The following LGR4 variants were observed in gnomAD, a reference collection of about 807,000 sequenced individuals.
The protein encoded by LGR4 is leucine rich repeat containing G protein-coupled receptor 4.
In LGR4, 44 loss-of-function variants were observed where a neutral mutation model predicts 84.8. The ratio of observed to expected loss-of-function variants is 0.52; its 90% CI spans 0.41 to 0.67. The LOEUF is 0.67. Among genes scored for constraint, LGR4 ranks in the 30% least tolerant of loss-of-function variants. The pLI is 0.00. For synonymous variants in LGR4, 429 were observed against 434.3 expected (o/e 0.99, Z 0.15); for missense variants, 1,032 against 1,131.4 (o/e 0.91, Z 1.26).
chr11:27,425,140 C>T (rs981275908), intron 1 of LGR4, among the ~76,000 whole-genome samples: 1 of 151,920 alleles, frequency 6.6e-6, no homozygotes, highest in African/African-American at 2.4e-5. Flanking sequence ...TTTTGAACTT[C>T]GATATGTTGA....
intron 1 of LGR4, among the ~76,000 whole-genome samples, chr11:27,466,225 T>A (rs1296859554): frequency 6.6e-6 from 1 of 152,230 alleles, no homozygotes; most frequent in Non-Finnish European, 1.5e-5. Flanking sequence ...CAACAAATAC[T>A]GTACTTTTAT....
chr11:27,369,354 T>C (rs1390437553), intron 17 of LGR4, among the ~76,000 whole-genome samples: 2 of 152,198 alleles, frequency 1.3e-5, no homozygotes, highest in African/African-American at 4.8e-5. Flanking sequence ...TTTTATTAAA[T>C]ATTTGGTAAG....
At chr11:27,437,289 T>G (rs1864228394) in intron 1 of LGR4, among the ~76,000 whole-genome samples, 1 of 150,746 alleles carries the variant, frequency 6.6e-6, no homozygotes, top group Non-Finnish European at 1.5e-5. Flanking sequence ...ACCCTACTGT[T>G]TTGGCCAATT....
chr11:27,386,167 G>A (rs1490993616), intron 4 of LGR4, among the ~76,000 whole-genome samples: 1 of 152,024 alleles, frequency 6.6e-6, no homozygotes, highest in Non-Finnish European at 1.5e-5. Flanking sequence ...ATGTTACTGT[G>A]GCTTTAAAGG....
intron 2 of LGR4, among the ~76,000 whole-genome samples, chr11:27,396,566 G>A (rs1863394779): frequency 6.6e-6 from 1 of 151,900 alleles, no homozygotes; most frequent in African/African-American, 2.4e-5. Flanking sequence ...CAACTCCGGA[G>A]GAAAAAGAGG....
At chr11:27,453,898 G>A (rs1864527378) in intron 1 of LGR4, among the ~76,000 whole-genome samples, 1 of 152,170 alleles carries the variant, frequency 6.6e-6, no homozygotes, top group African/African-American at 2.4e-5. Context: ...GATGGGAAGG[G>A]GAAGTTGGAC....
At chr11:27,398,932 G>A (rs141527092) in intron 2 of LGR4, among the ~76,000 whole-genome samples, 3 of 152,038 alleles carry the variant, frequency 2.0e-5, no homozygotes, top group African/African-American at 7.2e-5. Context: ...TTGAGACGGA[G>A]TTTCATTCTT....
intron 3 of LGR4, among the ~76,000 whole-genome samples, chr11:27,391,584 C>A (rs549420932): frequency 6.6e-6 from 1 of 152,092 alleles, no homozygotes; most frequent in East Asian, 1.9e-4. Context: ...AAAGCAGAGC[C>A]CGGAAACATG....
intron 1 of LGR4, among the ~76,000 whole-genome samples, chr11:27,465,655 T>C (rs1464001438): frequency 6.6e-6 from 1 of 152,212 alleles, no homozygotes; most frequent in Non-Finnish European, 1.5e-5. Flanking sequence ...AGTTGAGAAG[T>C]TATCAACTGT....
At chr11:27,437,660 A>AGAGTGTGTGT (rs1554969574) in intron 1 of LGR4, among the ~76,000 whole-genome samples, 20 of 140,140 alleles carry the variant, frequency 1.4e-4, no homozygotes, top group Non-Finnish European at 2.6e-4. Context: ...TTAAAGGACT[A>AGAGTGTGTGT]GTGTGTGTGT....
At chr11:27,381,357 C>G (rs1357393645) in intron 7 of LGR4, among the ~76,000 whole-genome samples, 3 of 152,156 alleles carry the variant, frequency 2.0e-5, no homozygotes, top group Non-Finnish European at 4.4e-5. Context: ...CCTGTTGTGC[C>G]ATATACAGTC....
intron 1 of LGR4, among the ~76,000 whole-genome samples, chr11:27,436,157 C>T (rs1864203214): frequency 6.6e-6 from 1 of 152,000 alleles, no homozygotes; most frequent in Admixed American, 6.6e-5. Flanking sequence ...GTGATCCACC[C>T]ACCTTGGCCT....
chr11:27,455,338 G>A (rs560841496), intron 1 of LGR4, among the ~76,000 whole-genome samples: 3 of 152,232 alleles, frequency 2.0e-5, no homozygotes, highest in East Asian at 3.9e-4. Flanking sequence ...CAGATCAACT[G>A]CCAGCTCTTA....
intron 13 of LGR4, among the ~76,000 whole-genome samples, chr11:27,375,334 T>A (rs978884598): frequency 6.6e-6 from 1 of 151,670 alleles, no homozygotes; most frequent in African/African-American, 2.4e-5. Flanking sequence ...AGAAAAATGT[T>A]CATTAATTTA....
chr11:27,416,388 T>C (rs1863819525), intron 1 of LGR4, among the ~76,000 whole-genome samples: 1 of 152,166 alleles, frequency 6.6e-6, no homozygotes, highest in Admixed American at 6.5e-5. Context: ...CTGAACCTTA[T>C]AGATTGATGT....
Position 27,472,553 on chromosome 11 carries a change from A to C in LGR4, c.-251T>G. ...CCCCGCTCCTCCGGCGGCTCACGCC[A>C]GCCGGGCCGGCCCGGCGCAGCGGCG... is the stretch of plus-strand genomic sequence containing the variant. On this transcript the variant is annotated 5_prime_UTR_variant, in exon 1 of 18. Coordinates refer to ENST00000379214, the MANE Select transcript of LGR4 (RefSeq NM_018490.5). The C allele has an allele frequency of 2.6e-6, 1 of 378,974 alleles. No individual in the cohort carries two copies. The highest frequency in any genetic ancestry group is 4.7e-6 in the Non-Finnish European group (1 of 213,552). The allele number at this position is 378,974 out of a possible 1,614,324, so 23.5% of individuals were successfully genotyped here. A position where few individuals can be genotyped will look rare whatever the true frequency, so the allele number is the denominator to read the frequency against.
Position 27,456,731 on chromosome 11 carries a change from GAAAGCTTTT to G in LGR4, c.185+15378_185+15386del, listed in dbSNP as rs567565374. On this transcript the variant is annotated intron_variant, in intron 1 of 17. Transcript: ENST00000379214. ...ACACTATTAACATGGGAAATGATGT[GAAAGCTTTT>G]AAACAAGTATGTATAAAAAGCAAAA... 6.2e-4 allele frequency among the ~76,000 whole-genome samples: 95 copies of G among 152,282 alleles called. 3 individuals carry two copies. The South Asian group carries it at 0.018, about 30-fold the overall frequency.
rs902498618 is a variant in LGR4, at chr11:27,376,188, C to A, written c.1181+111G>T. ...ATGGGGTTTCACCACGTTGTTCAGG[C>A]TGAAATTAAAATTATATCTTTAAGT... is the stretch of plus-strand genomic sequence containing the variant. On this transcript the variant is annotated intron_variant, in intron 13 of 17. Transcript: ENST00000379214. 6 of 694,512 alleles carry A rather than the reference C, an allele frequency of 8.6e-6. No individual in the cohort carries two copies. The African/African-American group carries it at 9.4e-5, about 11-fold the overall frequency. The allele number at this position is 694,512 out of a possible 1,614,324, so 43.0% of individuals were successfully genotyped here.
rs1372420727 is a variant in LGR4 at position 27,371,707 on chromosome 11, A to G, written c.1496-9T>C. Reference sequence around the variant, plus strand: ...TGCTGCATCAGCAGTACCTGAACATATAACACAAAGCATGTTTAATTAAAA... The same window carrying G: ...TGCTGCATCAGCAGTACCTGAACATGTAACACAAAGCATGTTTAATTAAAA... On this transcript the variant is annotated splice_polypyrimidine_tract_variant and intron_variant, in intron 16 of 17. Coordinates refer to ENST00000379214, the MANE Select transcript of LGR4 (RefSeq NM_018490.5). 2.4e-5 allele frequency: 38 copies of G among 1,592,680 alleles called. No individual in the cohort carries two copies. The highest frequency in any genetic ancestry group is 3.0e-5 in the Non-Finnish European group (35 of 1,163,686).
Sources: gnomAD v4.1 joint callset for allele counts (sites outside exome capture counted in the v4.1 genomes callset) on GRCh38, gnomAD v4.1.1 for gene constraint, MANE v1.5 for transcripts, NCBI Gene and HGNC (gene_info 2026-07-23, HGNC 2026-07-21) for gene names.